Variants in BRME1 observed in about 807,000 individuals in gnomAD.
BRME1 encodes the protein break repair meiotic recombinase recruitment factor 1, also known as BRCA2 and MEILB2-associating protein 1.
In BRME1, 31 loss-of-function variants were observed where a neutral mutation model predicts 52.6. That is an observed-to-expected ratio of 0.59 (90% confidence interval 0.44 to 0.80). BRME1 has a LOEUF of 0.80. BRME1 is among the 30% of genes least tolerant of loss of function. The pLI is 0.00. For missense variants in BRME1, 804 were observed against 860.3 expected (o/e 0.93, Z 0.82); for synonymous variants, 359 against 353.6 (o/e 1.02, Z -0.17).
intron 5 of BRME1, 138 bp from the exon 6 acceptor site, chr19:13,890,600 C>A (rs1003577277): frequency 5.5e-6 from 4 of 726,168 alleles, no homozygotes; most frequent in Non-Finnish European, 6.1e-6. Flanking sequence ...CGTGATGGCT[C>A]ATGCCTGTAA....
chr19:13,898,845 C>T (rs1033657604), intron 2 of BRME1, among the ~76,000 whole-genome samples: 5 of 150,122 alleles, frequency 3.3e-5, no homozygotes, highest in African/African-American at 1.2e-4. Context: ...ATCGCTTGAA[C>T]CCGGGAGGCG....
chr19:13,883,342 C>T lies in BRME1; in HGVS notation c.1822G>A (p.Val608Met), dbSNP rs761330712. 13 of 1,535,136 alleles carry T rather than the reference C, an allele frequency of 8.5e-6. No individual in the cohort carries two copies. Among genetic ancestry groups the T allele is most frequent in the Middle Eastern group, 3.3e-4 (2 of 6,010 alleles). ...ASRMEDATNV[V>M]RGLIVELSNL... ...GAGAGCTCAACGATGAGGCCACGCACGACGTTGGTGGCATCCTCCATCCTG... is the reference window on the plus strand; with the variant it reads ...GAGAGCTCAACGATGAGGCCACGCATGACGTTGGTGGCATCCTCCATCCTG... Residue 608 changes from valine (V) to methionine (M), a missense_variant, in exon 8 of 9, where the codon GTG (valine) becomes ATG (methionine). Around this residue, in one of 3 missense-constraint regions of BRME1, gnomAD observed 552 missense variants for 561.1 expected, o/e 0.98. Transcript: ENST00000586783. This position sits in a 1 kb window ranked among gnomAD's most constrained non-coding sequence, Gnocchi z 4.2.
chr19:13,892,840 C>G lies in BRME1; in HGVS notation c.339G>C (p.Val113=). 2 of 1,614,212 alleles carry G rather than the reference C, an allele frequency of 1.2e-6. No homozygotes were observed. The highest frequency in any genetic ancestry group is 8.5e-7 in the Non-Finnish European group (1 of 1,180,028). Residue 113 remains valine (V), a synonymous_variant, in exon 5 of 9, where the codon GTG becomes GTC. Coordinates refer to ENST00000586783, the MANE Select transcript of BRME1 (RefSeq NM_001345843.2). ...CATCCTTCATCTCTTCTTTTCTTGT[C>G]ACTGTCTTCCTGGATTTTGCAAACT... ...VPQFAKSRKT[V]TRKEEMKDED...
intron 3 of BRME1, among the ~76,000 whole-genome samples, chr19:13,893,433 G>A (rs1969659013): frequency 2.0e-5 from 3 of 152,166 alleles, no homozygotes; most frequent in African/African-American, 7.2e-5. Flanking sequence ...AGCTACTTGG[G>A]AGGCTGAGGC....
intron 2 of BRME1, among the ~76,000 whole-genome samples, chr19:13,901,082 C>A (rs1178769157): frequency 6.6e-6 from 1 of 152,078 alleles, no homozygotes; most frequent in Non-Finnish European, 1.5e-5. Flanking sequence ...AAGCCATCCT[C>A]CTGCCTCAAT....
chr19:13,898,307 G>A (rs1436858898), intron 2 of BRME1, among the ~76,000 whole-genome samples: 2 of 152,054 alleles, frequency 1.3e-5, no homozygotes, highest in Non-Finnish European at 2.9e-5. Flanking sequence ...TTTCTGCCAA[G>A]GCAGGCAGAA....
intron 2 of BRME1, among the ~76,000 whole-genome samples, chr19:13,896,383 A>C (rs1969898937): frequency 6.8e-6 from 1 of 147,418 alleles, no homozygotes; most frequent in African/African-American, 2.5e-5. Flanking sequence ...TTGCATATTT[A>C]TAATTATAAA....
At position 13,886,237 on chromosome 19, in the gene BRME1, C is replaced by T. The variant is rs1264573826; in HGVS notation, c.1669-182G>A. Among the ~76,000 whole-genome samples the T allele has an allele frequency of 2.0e-5, 3 of 152,168 alleles. No homozygotes were observed. The East Asian group carries it at 5.8e-4, about 29-fold the overall frequency. On this transcript the variant is annotated intron_variant, in intron 6 of 8. Transcript: ENST00000586783. ...GGGAGGAAATCCACGATGGGTAGAC[C>T]CGAGGCTACCAGCCTGGGCTGCGCC...
chr19:13,900,860 T>A (rs1970247684), intron 2 of BRME1, among the ~76,000 whole-genome samples: 1 of 152,032 alleles, frequency 6.6e-6, no homozygotes, highest in Admixed American at 6.6e-5. Context: ...TTAGTACAGA[T>A]GGGGTTTCAC....
chr19:13,897,366 G>C (rs1374674425), intron 2 of BRME1, among the ~76,000 whole-genome samples: 2 of 152,226 alleles, frequency 1.3e-5, no homozygotes, highest in East Asian at 3.9e-4. Context: ...TGGCTGGCTT[G>C]TAAGACTTCC....
At chr19:13,892,676 G>A in intron 5 of BRME1, 110 bp downstream of exon 5, 1 of 755,576 alleles carries the variant, frequency 1.3e-6, no homozygotes, top group East Asian at 2.6e-5. Flanking sequence ...GGGTGGAGAG[G>A]TGCAGGCCTC....
chr19:13,894,763 C>A (rs1183580052), intron 3 of BRME1, among the ~76,000 whole-genome samples: 1 of 152,132 alleles, frequency 6.6e-6, no homozygotes, highest in African/African-American at 2.4e-5. Context: ...ACAACAATTC[C>A]TTTGTTCCCT....
chr19:13,905,607 G>A (rs1356438042), intron 1 of BRME1, 108 bp downstream of exon 1: 2 of 152,218 alleles, frequency 1.3e-5, no homozygotes, highest in Non-Finnish European at 2.9e-5. Flanking sequence ...AGGTTGCAAT[G>A]AGCCAAGATC....
chr19:13,893,539 A>ACAAT (rs1969668980), intron 3 of BRME1, among the ~76,000 whole-genome samples: 2 of 151,820 alleles, frequency 1.3e-5, no homozygotes, highest in African/African-American at 4.9e-5. Flanking sequence ...TGTGTCAAAA[A>ACAAT]CAAACAAACG....
intron 5 of BRME1, among the ~76,000 whole-genome samples, chr19:13,892,218 A>G (rs1969552884): frequency 6.6e-6 from 1 of 152,194 alleles, no homozygotes; most frequent in Admixed American, 6.5e-5. Context: ...ATAGTTATGC[A>G]TGGTGTTACC....
chr19:13,896,040 C>T (rs185148603), intron 2 of BRME1, among the ~76,000 whole-genome samples: 13 of 152,278 alleles, frequency 8.5e-5, no homozygotes, highest in Admixed American at 8.5e-4. Flanking sequence ...GAGGCCGAGG[C>T]GGGTGGATCA....
chr19:13,893,344 C>A (rs1162294819), intron 3 of BRME1, 121 bp from the exon 4 acceptor site: 2 of 749,796 alleles, frequency 2.7e-6, no homozygotes, highest in African/African-American at 3.6e-5. Context: ...TCGAGACCAA[C>A]CTGGGGAACA....
At chr19:13,903,369 T>C (rs555951339) in intron 2 of BRME1, among the ~76,000 whole-genome samples, 37 of 151,994 alleles carry the variant, frequency 2.4e-4, no homozygotes, top group African/African-American at 8.7e-4. Flanking sequence ...TCCCCAGTTA[T>C]GAAAACCAAA....
Position 13,883,278 on chromosome 19 carries a change from C to T in BRME1, c.1856+30G>A. ...AGTCCCCACTGGCCTCCCGCAGACC[C>T]TGTGCCGTGAGTCCAAGCCCACCCC... On this transcript the variant is annotated intron_variant, in intron 8 of 8. Transcript: ENST00000586783. The surrounding 1 kb of genome is among the most constrained non-coding windows in gnomAD (Gnocchi z 4.2). 6.6e-7 allele frequency: 1 copy of T among 1,514,484 alleles called. No homozygotes were observed. Among genetic ancestry groups the T allele is most frequent in the Non-Finnish European group, 8.9e-7 (1 of 1,128,228 alleles). 93.8% of individuals were successfully genotyped at this position (1,514,484 alleles called of 1,614,324 possible). A position where few individuals can be genotyped will look rare whatever the true frequency, so the allele number is the denominator to read the frequency against.
Sources: allele counts gnomAD v4.1 joint callset (sites outside exome capture counted in the v4.1 genomes callset), GRCh38; gene constraint gnomAD v4.1.1; regional missense constraint gnomAD v4.1.1; non-coding constraint Gnocchi (gnomAD v3.1); transcripts MANE v1.5; gene names NCBI Gene and HGNC (gene_info 2026-07-23, HGNC 2026-07-21).